Variants in RTF1 observed in about 807,000 individuals in gnomAD.
RTF1 encodes the protein RTF1 homolog, Paf1/RNA polymerase II complex component.
RTF1 carries 10 observed loss-of-function variants against 95.7 expected under a neutral mutation model. The ratio of observed to expected loss-of-function variants is 0.10; its 90% CI spans 0.06 to 0.18. RTF1 has a LOEUF of 0.18. RTF1 is among the 10% of genes least tolerant of loss of function. RTF1 has a pLI of 1.00. For synonymous variants in RTF1, 305 were observed against 311.8 expected (o/e 0.98, Z 0.23); for missense variants, 458 against 875.6 (o/e 0.52, Z 6.02).
intron 4 of RTF1, among the ~76,000 whole-genome samples, chr15:41,460,893 T>A (rs1212371380): frequency 2.0e-5 from 3 of 150,670 alleles, no homozygotes; most frequent in Admixed American, 6.6e-5. Flanking sequence ...TTTTTTTTTT[T>A]TGAGATGGAG....
At chr15:41,428,108 T>A (rs1417414434) in intron 1 of RTF1, among the ~76,000 whole-genome samples, 1 of 151,634 alleles carries the variant, frequency 6.6e-6, no homozygotes, top group East Asian at 1.9e-4. Flanking sequence ...TTTTTAATTT[T>A]ATTTTTAGAG....
chr15:41,437,379 A>G (rs1472175424), intron 1 of RTF1, among the ~76,000 whole-genome samples: 2 of 148,278 alleles, frequency 1.3e-5, no homozygotes, highest in African/African-American at 5.0e-5. Context: ...TGGGCGCCTG[A>G]CAGCTACTCG....
intron 15 of RTF1, 184 bp downstream of exon 15, chr15:41,478,809 G>A (rs547164971): frequency 1.1e-5 from 7 of 623,380 alleles, no homozygotes; most frequent in Admixed American, 8.8e-5. Context: ...TAGTGAAAAC[G>A]TGGCATGGAT....
At chr15:41,467,682 T>C (rs2050887511) in intron 6 of RTF1, among the ~76,000 whole-genome samples, 1 of 151,670 alleles carries the variant, frequency 6.6e-6, no homozygotes, top group Non-Finnish European at 1.5e-5. Flanking sequence ...GCCACTGCGC[T>C]CCAGCCTGGA....
At chr15:41,429,423 C>T (rs1295010331) in intron 1 of RTF1, among the ~76,000 whole-genome samples, 1 of 151,784 alleles carries the variant, frequency 6.6e-6, no homozygotes, top group Non-Finnish European at 1.5e-5. Context: ...GTTCATCTAC[C>T]AGTTGTAGTG....
In RTF1 at chr15:41,476,490, C is replaced by T. The variant is rs146566102; in HGVS notation, c.1527C>T (p.Tyr509=). The change falls in exon 12 of 18, where the codon TAC becomes TAT. Residue 509 remains tyrosine, a synonymous_variant. Coordinates refer to ENST00000389629, the MANE Select transcript of RTF1 (RefSeq NM_015138.5). ...GGTTCAGAAAAGCTCCACCCAACTA[C>T]GCTATGAAGAAGACTCAGCTACTGA... is the stretch of plus-strand genomic sequence containing the variant. ...KERFRKAPPN[Y]AMKKTQLLKE... 23 of 1,613,658 alleles carry T rather than the reference C, an allele frequency of 1.4e-5. No individual in the cohort carries two copies. The highest frequency in any genetic ancestry group is 5.0e-5 in the Admixed American group (3 of 59,984).
At chr15:41,437,267 G>A (rs976504776) in intron 1 of RTF1, among the ~76,000 whole-genome samples, 4 of 152,002 alleles carry the variant, frequency 2.6e-5, no homozygotes, top group Middle Eastern at 3.4e-3. Context: ...ATGCCAAGGC[G>A]GGCGGATCAC....
chr15:41,443,445 G>C (rs2050745496), intron 2 of RTF1, among the ~76,000 whole-genome samples: 1 of 152,180 alleles, frequency 6.6e-6, no homozygotes, highest in Admixed American at 6.6e-5. Context: ...GTCAAGGTCA[G>C]AATGCTGTGG....
intron 1 of RTF1, among the ~76,000 whole-genome samples, chr15:41,421,348 C>G (rs1293512189): frequency 1.3e-5 from 2 of 151,764 alleles, no homozygotes; most frequent in Admixed American, 6.6e-5. Context: ...CCCAGTTACT[C>G]AGAAGGCTGA....
rs1049955570 is a variant in RTF1 at position 41,466,028 on chromosome 15, G to A, written c.778-113G>A. Reference sequence around the variant, plus strand: ...CTCTCCCCTTACATAAAAGCTCTAAGTTTTTGCAGCCCATATAGATTGATG... The same window carrying A: ...CTCTCCCCTTACATAAAAGCTCTAAATTTTTGCAGCCCATATAGATTGATG... On this transcript the variant is annotated intron_variant, in intron 5 of 17. Coordinates refer to ENST00000389629, the MANE Select transcript of RTF1 (RefSeq NM_015138.5). The A allele has an allele frequency of 4.7e-6, 3 of 634,058 alleles. No individual in the cohort carries two copies. The African/African-American group carries it at 5.7e-5, about 12-fold the overall frequency. The allele number at this position is 634,058 out of a possible 1,614,324, so 39.3% of individuals were successfully genotyped here.
At chr15:41,464,991 G>C in intron 5 of RTF1, 106 bp downstream of exon 5, 1 of 1,379,394 alleles carries the variant, frequency 7.2e-7, no homozygotes, top group East Asian at 2.7e-5. Context: ...ATATTAATCA[G>C]CCTAAGTTTA....
At chr15:41,471,530 A>G (rs1358996165) in intron 8 of RTF1, among the ~76,000 whole-genome samples, 181 bp downstream of exon 8, 2 of 152,228 alleles carry the variant, frequency 1.3e-5, no homozygotes. Flanking sequence ...TGTTGCCAAG[A>G]GGAGGACTTG....
At chr15:41,470,025 T>A (rs563851076) in intron 6 of RTF1, among the ~76,000 whole-genome samples, 3 of 152,304 alleles carry the variant, frequency 2.0e-5, no homozygotes, top group South Asian at 4.1e-4. Context: ...TCTGCCCACC[T>A]AGTATCAATC....
In RTF1 at chr15:41,457,862, G is replaced by A; in HGVS notation, c.648G>A (p.Glu216=). 3.7e-6 allele frequency: 6 copies of A among 1,613,674 alleles called. No homozygotes were observed. The highest frequency in any genetic ancestry group is 5.1e-6 in the Non-Finnish European group (6 of 1,179,908). Residue 216 remains glutamate, a synonymous_variant, in exon 4 of 18, where the codon GAG becomes GAA. Coordinates refer to ENST00000389629, the MANE Select transcript of RTF1 (RefSeq NM_015138.5). ...TGTTCAATCGCATAGAGAAGAGGGA[G>A]GTGTTGAAAAGAAGGTAAGGTTGTC... is the stretch of plus-strand genomic sequence containing the variant. The part of the protein sequence containing the change: ...QELFNRIEKR[E]VLKRRFEIKK...
intron 2 of RTF1, among the ~76,000 whole-genome samples, chr15:41,440,979 T>G (rs1385039472): frequency 6.8e-6 from 1 of 146,588 alleles, no homozygotes; most frequent in African/African-American, 2.5e-5. Flanking sequence ...TTTTTTTTTT[T>G]TTTTTTTTTT....
intron 9 of RTF1, 53 bp downstream of exon 9, chr15:41,474,755 T>G (rs1030499716): frequency 3.1e-6 from 4 of 1,291,622 alleles, no homozygotes; most frequent in Non-Finnish European, 3.4e-6. Context: ...AGGCACTGGC[T>G]TTGGGGGCTG....
chr15:41,480,016 C>G (rs1275202339), intron 16 of RTF1, among the ~76,000 whole-genome samples, 198 bp from the exon 17 acceptor site: 2 of 152,210 alleles, frequency 1.3e-5, no homozygotes, highest in African/African-American at 4.8e-5. Flanking sequence ...ACAAGCCTGC[C>G]CTCTTCTCTG....
intron 4 of RTF1, among the ~76,000 whole-genome samples, chr15:41,458,842 C>T (rs1486809780): frequency 2.7e-5 from 4 of 148,822 alleles, no homozygotes; most frequent in African/African-American, 1.0e-4. Context: ...GAGGCCAAGG[C>T]GGGCGGATCA....
chr15:41,471,068 A>T, intron 7 of RTF1, 104 bp from the exon 8 acceptor site: 1 of 1,055,010 alleles, frequency 9.5e-7, no homozygotes, highest in Non-Finnish European at 1.4e-6. Context: ...CTCCTAGGCC[A>T]GTCACATGTA....
Sources: gnomAD v4.1 joint callset for allele counts (sites outside exome capture counted in the v4.1 genomes callset) on GRCh38, gnomAD v4.1.1 for gene constraint, MANE v1.5 for transcripts, NCBI Gene and HGNC (gene_info 2026-07-23, HGNC 2026-07-21) for gene names.